Variants in SLCO1B1 observed in about 807,000 individuals in gnomAD.
SLCO1B1 encodes the protein solute carrier organic anion transporter family member 1B1.
A neutral mutation model predicts 70.1 loss-of-function variants in SLCO1B1; 81 were observed. The ratio of observed to expected loss-of-function variants is 1.16; its 90% confidence interval spans 0.97 to 1.39. The LOEUF is 1.39. Among genes scored for constraint, SLCO1B1 ranks in the 40% most tolerant of loss-of-function variants. SLCO1B1 has a pLI of 0.00. For missense variants in SLCO1B1, 895 were observed against 799.6 expected (o/e 1.12, Z -1.44); for synonymous variants, 283 against 271.5 (o/e 1.04, Z -0.42).
At chr12:21,208,020 T>C (rs1228513369) in intron 11 of SLCO1B1, among the ~76,000 whole-genome samples, 1 of 152,040 alleles carries the variant, frequency 6.6e-6, no homozygotes, top group Non-Finnish European at 1.5e-5. Context: ...TTGTTCAAGT[T>C]TCTTATAGAT....
chr12:21,132,083 G>A (rs912921180), intron 1 of SLCO1B1, among the ~76,000 whole-genome samples: 9 of 151,950 alleles, frequency 5.9e-5, no homozygotes, highest in South Asian at 4.2e-4. Flanking sequence ...GAGAACATGC[G>A]GTGTTTGGTT....
intron 7 of SLCO1B1, among the ~76,000 whole-genome samples, chr12:21,195,428 G>A (rs1393172249): frequency 6.6e-6 from 1 of 152,076 alleles, no homozygotes; most frequent in Non-Finnish European, 1.5e-5. Context: ...TTTTTTGTTT[G>A]TTTGTTTGTT....
chr12:21,239,558 T>A lies in SLCO1B1; in HGVS notation c.*369T>A, dbSNP rs2121218261. Among the ~76,000 whole-genome samples, 1 of 152,260 alleles carries A rather than the reference T, an allele frequency of 6.6e-6. No individual in the cohort carries two copies. The highest frequency in any genetic ancestry group is 6.5e-5 in the Admixed American group (1 of 15,286). ...TTAAAAAGGAGGAGCTAGATTCATA[T>A]CCTAAGTAAAGAGAAATGCCTAGTG... On this transcript the variant is annotated 3_prime_UTR_variant, in exon 15 of 15. Coordinates refer to ENST00000256958, the MANE Select transcript of SLCO1B1 (RefSeq NM_006446.5).
chr12:21,226,152 T>C (rs1419748071), intron 14 of SLCO1B1, among the ~76,000 whole-genome samples: 5 of 152,160 alleles, frequency 3.3e-5, no homozygotes, highest in Non-Finnish European at 4.4e-5. Context: ...CAGTGGCCCA[T>C]GCCTGTAATC....
chr12:21,188,449 G>T (rs961450546), intron 7 of SLCO1B1, among the ~76,000 whole-genome samples: 2 of 152,066 alleles, frequency 1.3e-5, no homozygotes, highest in African/African-American at 4.8e-5. Context: ...CAAAACATGT[G>T]TTAATCAACT....
At chr12:21,214,479 G>A (rs1565441122) in intron 11 of SLCO1B1, among the ~76,000 whole-genome samples, 1 of 149,920 alleles carries the variant, frequency 6.7e-6, no homozygotes, top group Non-Finnish European at 1.5e-5. Flanking sequence ...GTCAGACAGG[G>A]ACATTTAAGT....
chr12:21,183,114 A>G (rs1021002577), intron 7 of SLCO1B1, among the ~76,000 whole-genome samples: 2 of 152,232 alleles, frequency 1.3e-5, no homozygotes, highest in Non-Finnish European at 2.9e-5. Flanking sequence ...CTGAAAAACA[A>G]AAGAGTTATG....
chr12:21,155,500 G>A (rs1300438974), intron 2 of SLCO1B1, among the ~76,000 whole-genome samples: 1 of 151,834 alleles, frequency 6.6e-6, no homozygotes, highest in Non-Finnish European at 1.5e-5. Flanking sequence ...TACTCCTTAT[G>A]GTGTCTTCAA....
intron 2 of SLCO1B1, among the ~76,000 whole-genome samples, chr12:21,161,975 T>C (rs1399235054): frequency 1.3e-5 from 2 of 152,028 alleles, no homozygotes; most frequent in Admixed American, 1.3e-4. Flanking sequence ...AACAGTGCAC[T>C]TTAGCCTGGG....
chr12:21,233,573 A>C (rs1771494704), intron 14 of SLCO1B1, among the ~76,000 whole-genome samples: 1 of 93,464 alleles, frequency 1.1e-5, no homozygotes, highest in South Asian at 2.8e-4. Flanking sequence ...CAAACAAACA[A>C]AAAAAAAAAA....
At chr12:21,152,217 A>G (rs1412940621) in intron 2 of SLCO1B1, among the ~76,000 whole-genome samples, 1 of 151,988 alleles carries the variant, frequency 6.6e-6, no homozygotes, top group Non-Finnish European at 1.5e-5. Flanking sequence ...ATGTTGTGAC[A>G]TTATAATTTT....
At chr12:21,206,093 T>G in intron 11 of SLCO1B1, 60 bp downstream of exon 11, 1 of 1,388,082 alleles carries the variant, frequency 7.2e-7, no homozygotes, top group Non-Finnish European at 1.0e-6. Flanking sequence ...ATTGAACAAT[T>G]TTTTACCAAA....
At chr12:21,186,163 C>T (rs1480690024) in intron 7 of SLCO1B1, among the ~76,000 whole-genome samples, 3 of 152,014 alleles carry the variant, frequency 2.0e-5, no homozygotes, top group African/African-American at 7.2e-5. Context: ...AGTTAAACTT[C>T]AAATTTAAGC....
chr12:21,170,644 C>G (rs1184491963), intron 2 of SLCO1B1, among the ~76,000 whole-genome samples: 2 of 152,160 alleles, frequency 1.3e-5, no homozygotes, highest in African/African-American at 4.8e-5. Flanking sequence ...TTTTATTATT[C>G]CCATCATCAA....
intron 4 of SLCO1B1, 127 bp downstream of exon 4, chr12:21,174,836 A>C: frequency 1.2e-6 from 1 of 862,114 alleles, no homozygotes. Context: ...AAGTGTGTAC[A>C]GAAATGAAAT....
intron 6 of SLCO1B1, 46 bp from the exon 7 acceptor site, chr12:21,178,876 C>T: frequency 7.0e-7 from 1 of 1,427,520 alleles, no homozygotes; most frequent in Non-Finnish European, 9.9e-7. Context: ...TGAATAAGAA[C>T]CATGCATTCT....
In SLCO1B1 at chr12:21,152,170, G is replaced by T. The variant is rs1383055540; in HGVS notation, c.84+10512G>T. On this transcript the variant is annotated intron_variant, in intron 2 of 14. Coordinates refer to ENST00000256958, the MANE Select transcript of SLCO1B1 (RefSeq NM_006446.5). ...TGTTTTCAGTCTTGTGCAGTATACTGATGTGTTTACCAAAGGCATTCTTCA... is the reference window on the plus strand; with the variant it reads ...TGTTTTCAGTCTTGTGCAGTATACTTATGTGTTTACCAAAGGCATTCTTCA... 2.0e-5 allele frequency among the ~76,000 whole-genome samples: 3 copies of T among 151,872 alleles called. No homozygotes were observed. The East Asian group carries it at 5.8e-4, about 29-fold the overall frequency.
At chr12:21,148,932 C>G (rs1218929689) in intron 2 of SLCO1B1, among the ~76,000 whole-genome samples, 2 of 151,986 alleles carry the variant, frequency 1.3e-5, no homozygotes, top group Non-Finnish European at 2.9e-5. Context: ...TTGAAGAGGT[C>G]CCTCACACCC....
At chr12:21,200,798 T>G in intron 9 of SLCO1B1, 126 bp downstream of exon 9, 1 of 751,654 alleles carries the variant, frequency 1.3e-6, no homozygotes, top group Non-Finnish European at 2.1e-6. Flanking sequence ...AATTTTCTTG[T>G]ATTCTTTCTC....
Sources: allele counts gnomAD v4.1 joint callset (sites outside exome capture counted in the v4.1 genomes callset), GRCh38; gene constraint gnomAD v4.1.1; transcripts MANE v1.5; gene names NCBI Gene and HGNC (gene_info 2026-07-23, HGNC 2026-07-21).